The following TAFA2 variants were observed in gnomAD, a reference collection of about 807,000 sequenced individuals.
The protein encoded by TAFA2 is chemokine-like protein TAFA-2.
A neutral mutation model predicts 18.8 loss-of-function variants in TAFA2; 7 were observed. The observed-to-expected ratio is 0.37, with a 90% CI of 0.21 to 0.70. The LOEUF is 0.70. Among genes scored for constraint, TAFA2 ranks in the 30% least tolerant of loss-of-function variants. The probability of loss-of-function intolerance (pLI) is 0.53; values close to 1 mark genes in which losing one functional copy is unlikely to be tolerated. For missense variants in TAFA2, 122 were observed against 158.1 expected, an observed-to-expected ratio of 0.77 and a Z score of 1.23; for synonymous variants, 60 against 54.2, an observed-to-expected ratio of 1.11 and a Z score of -0.47.
chr12:61,939,940 C>T (rs554771008), intron 1 of TAFA2, among the ~76,000 whole-genome samples: 3 of 152,202 alleles, frequency 2.0e-5, no homozygotes, highest in Non-Finnish European at 4.4e-5. Flanking sequence ...TACAGAGAAA[C>T]ATGACAATAG....
At chr12:61,726,141 T>C (rs986375864) in intron 4 of TAFA2, among the ~76,000 whole-genome samples, 3 of 151,930 alleles carry the variant, frequency 2.0e-5, no homozygotes, top group South Asian at 2.1e-4. Flanking sequence ...GACTCTTTTT[T>C]TAATTTGATA....
intron 1 of TAFA2, among the ~76,000 whole-genome samples, chr12:62,082,509 T>C (rs1333259184): frequency 1.3e-5 from 2 of 152,130 alleles, no homozygotes; most frequent in African/African-American, 2.4e-5. Context: ...GCAACCAACA[T>C]TGAGCACTGC....
chr12:62,002,897 T>G (rs1880425517), intron 1 of TAFA2, among the ~76,000 whole-genome samples: 1 of 152,154 alleles, frequency 6.6e-6, no homozygotes, highest in South Asian at 2.1e-4. Context: ...ATCAATTCAC[T>G]CTAAAAATGC....
intron 1 of TAFA2, among the ~76,000 whole-genome samples, chr12:62,090,147 C>T (rs1235240711): frequency 2.6e-5 from 4 of 152,022 alleles, no homozygotes; most frequent in African/African-American, 9.7e-5. Flanking sequence ...CAGATCTTGG[C>T]TTTTCCAGTG....
rs142084147 is a variant in TAFA2, at chr12:62,023,452, A to G, written c.-1-156026T>C. 3.4e-3 allele frequency among the ~76,000 whole-genome samples: 519 copies of G among 152,188 alleles called. 2 individuals are homozygous for G. Among genetic ancestry groups the G allele is most frequent in the African/African-American group, 0.011 (477 of 41,510 alleles). ...TAGGATATAGGATATACTATGCTTT[A>G]CAGGCTGAATAACTTTATTGGAAAA... On this transcript the variant is annotated intron_variant, in intron 1 of 4. Transcript: ENST00000416284.
Position 61,992,192 on chromosome 12 carries a change from A to G in TAFA2, c.-1-124766T>C, listed in dbSNP as rs1239109733. On this transcript the variant is annotated intron_variant, in intron 1 of 4. Transcript: ENST00000416284. Reference sequence around the variant, plus strand: ...TCCAGACACATAACCTACTACTAGTATTTGGTTCCATTTAGAAGTCCATAA... The same window carrying G: ...TCCAGACACATAACCTACTACTAGTGTTTGGTTCCATTTAGAAGTCCATAA... Among the ~76,000 whole-genome samples, 7 of 152,178 alleles carry G rather than the reference A, an allele frequency of 4.6e-5. No individual in the cohort carries two copies. In the South Asian group the frequency reaches 8.3e-4, roughly 18 times the overall value.
At chr12:62,148,020 C>T (rs564538007) in intron 1 of TAFA2, among the ~76,000 whole-genome samples, 20 of 152,014 alleles carry the variant, frequency 1.3e-4, no homozygotes, top group East Asian at 9.7e-4. Context: ...AAGATACCAT[C>T]GAACGCCAGT....
chr12:62,149,191 C>A (rs557073359), intron 1 of TAFA2, among the ~76,000 whole-genome samples: 3 of 152,184 alleles, frequency 2.0e-5, no homozygotes, highest in Non-Finnish European at 2.9e-5. Flanking sequence ...CCTTCAGGTT[C>A]TTTCTTGTAA....
At chr12:62,147,303 CAT>C (rs1491334456) in intron 1 of TAFA2, among the ~76,000 whole-genome samples, 1,109 of 68,712 alleles carry the variant, frequency 0.016, 26 homozygotes, top group African/African-American at 0.065. Context: ...TATATGTATG[CAT>C]GTGTGTGTGT....
At chr12:61,831,979 A>G (rs915528674) in intron 2 of TAFA2, among the ~76,000 whole-genome samples, 3 of 152,118 alleles carry the variant, frequency 2.0e-5, no homozygotes, top group Non-Finnish European at 4.4e-5. Flanking sequence ...TTCTTGAAGA[A>G]AAATATATAA....
chr12:61,786,895 T>C (rs1158927366), intron 2 of TAFA2, among the ~76,000 whole-genome samples: 1 of 151,370 alleles, frequency 6.6e-6, no homozygotes, highest in Non-Finnish European at 1.5e-5. Flanking sequence ...AATAAGATGA[T>C]ACAATGAAAT....
At chr12:62,151,028 C>T (rs1410395487) in intron 1 of TAFA2, among the ~76,000 whole-genome samples, 4 of 151,946 alleles carry the variant, frequency 2.6e-5, no homozygotes, top group African/African-American at 4.8e-5. Context: ...AGTAAATCCA[C>T]ATGAACTTTC....
intron 1 of TAFA2, among the ~76,000 whole-genome samples, chr12:62,237,142 A>G (rs1313834539): frequency 1.3e-5 from 2 of 151,852 alleles, no homozygotes; most frequent in Admixed American, 6.6e-5. Flanking sequence ...GTTCCTTTTT[A>G]TTCTTTTTTC....
At chr12:61,929,922 G>A (rs553409921) in intron 1 of TAFA2, among the ~76,000 whole-genome samples, 26 of 151,298 alleles carry the variant, frequency 1.7e-4, no homozygotes, top group African/African-American at 6.1e-4. Context: ...GCCAAACACT[G>A]CATGTTCTCA....
At chr12:61,775,859 A>G (rs1870236091) in intron 2 of TAFA2, 1 of 159,394 alleles carries the variant, frequency 6.3e-6, no homozygotes, top group Middle Eastern at 3.1e-3. Flanking sequence ...TGAGCCTAAA[A>G]CTACTCTTAG....
rs561677888 is a variant in TAFA2, at chr12:61,921,084, A to T, written c.-1-53658T>A. 3.9e-5 allele frequency among the ~76,000 whole-genome samples: 6 copies of T among 152,364 alleles called. No homozygotes were observed. In the South Asian group the frequency reaches 1.2e-3, roughly 32 times the overall value. On this transcript the variant is annotated intron_variant, in intron 1 of 4. Transcript: ENST00000416284. ...GAACCAACATCAGAAAGAAAATGGT[A>T]GGCCAAGACATAATGGGAATGATTG... is the stretch of plus-strand genomic sequence containing the variant.
chr12:62,235,535 G>T, intron 1 of TAFA2: 2 of 452,150 alleles, frequency 4.4e-6, no homozygotes, highest in South Asian at 3.2e-5. Context: ...GTGGTGTCTA[G>T]ACTCTCTGCT....
chr12:62,201,333 T>C (rs1337367327), intron 1 of TAFA2, among the ~76,000 whole-genome samples: 2 of 152,224 alleles, frequency 1.3e-5, no homozygotes, highest in African/African-American at 4.8e-5. Context: ...AAAGGAATGC[T>C]CCCAGCTTTT....
chr12:62,095,613 T>C (rs1282046975), intron 1 of TAFA2, among the ~76,000 whole-genome samples: 5 of 152,094 alleles, frequency 3.3e-5, no homozygotes, highest in African/African-American at 1.2e-4. Context: ...AACCTATAAA[T>C]GGTTAAAAAG....
Sources: gnomAD v4.1 joint callset for allele counts (sites outside exome capture counted in the v4.1 genomes callset) on GRCh38, gnomAD v4.1.1 for gene constraint, MANE v1.5 for transcripts, NCBI Gene and HGNC (gene_info 2026-07-23, HGNC 2026-07-21) for gene names.